The following SLC35E4 variants were observed in gnomAD, a reference collection of about 807,000 sequenced individuals.
SLC35E4 encodes the protein solute carrier family 35 member E4.
Under a neutral mutation model 19.3 loss-of-function variants are expected in SLC35E4, and 15 were observed. The observed-to-expected ratio is 0.78, with a 90% confidence interval of 0.52 to 1.20. SLC35E4 has a LOEUF of 1.20. Among genes scored for constraint, SLC35E4 ranks in the 50% most tolerant of loss-of-function variants. The pLI is 0.00. For missense variants in SLC35E4, 406 were observed against 472.3 expected (o/e 0.86, Z 1.30); for synonymous variants, 219 against 219.9 (o/e 1.00, Z 0.04).
rs371819164 is a variant in SLC35E4 at position 30,637,006 on chromosome 22, C to A, written c.556C>A (p.Pro186Thr). 116 of 1,602,496 alleles carry A rather than the reference C, an allele frequency of 7.2e-5. 1 individual carries two copies. Among genetic ancestry groups the A allele is most frequent in the Non-Finnish European group, 9.3e-5 (109 of 1,172,294 alleles). ...CSLAGEFRTP[P>T]TGCGFLLAAT... The stretch of plus-strand genomic sequence containing the variant: ...CCTGGCTGGAGAGTTCCGGACACCC[C>A]CTACCGGCTGTGGCTTCCTGCTCGC... The change falls in exon 1 of 2, where the codon CCT (proline) becomes ACT (threonine). Residue 186 changes from proline to threonine, a missense_variant. By Grantham distance (38) the Pro-to-Thr change is conservative (BLOSUM62 -1). Coordinates refer to ENST00000343605, the MANE Select transcript of SLC35E4 (RefSeq NM_001001479.4).
intron 2 of SLC35E4, among the ~76,000 whole-genome samples, chr22:30,660,647 T>C (rs2088439030): frequency 6.6e-6 from 1 of 152,214 alleles, no homozygotes; most frequent in Non-Finnish European, 1.5e-5. Context: ...CAAGTGGCTC[T>C]GTGAACTCTG....
In SLC35E4 at chr22:30,636,737, G is replaced by A. The variant is rs1186469821; in HGVS notation, c.287G>A (p.Arg96Gln). The change falls in exon 1 of 2, where the codon CGG becomes CAG. Residue 96 changes from arginine to glutamine, a missense_variant. Coordinates refer to ENST00000343605, the MANE Select transcript of SLC35E4 (RefSeq NM_001001479.4). ...HMLVAALACH[R>Q]GARRPMPGGT... ...CTGGTGGCAGCCCTGGCATGCCACCGGGGGGCACGGCGCCCCATGCCAGGC... is the reference window on the plus strand; with the variant it reads ...CTGGTGGCAGCCCTGGCATGCCACCAGGGGGCACGGCGCCCCATGCCAGGC... 1.2e-6 allele frequency: 2 copies of A among 1,611,752 alleles called. No homozygotes were observed. The highest frequency in any genetic ancestry group is 1.3e-5 in the African/African-American group (1 of 75,026).
chr22:30,636,821 G>T lies in SLC35E4; in HGVS notation c.371G>T (p.Gly124Val). ...SLTFGTSMAC[G>V]NVGLRAVPLD... Reference sequence around the variant, plus strand: ...ACCTTTGGCACGTCCATGGCCTGCGGCAACGTGGGCCTAAGGGCTGTGCCC... The same window carrying T: ...ACCTTTGGCACGTCCATGGCCTGCGTCAACGTGGGCCTAAGGGCTGTGCCC... Residue 124 changes from glycine (G) to valine (V), a missense_variant, in exon 1 of 2, where the codon GGC (glycine) becomes GTC (valine). Coordinates refer to ENST00000343605, the MANE Select transcript of SLC35E4 (RefSeq NM_001001479.4). The T allele has an allele frequency of 6.2e-7, 1 of 1,612,858 alleles. No homozygotes were observed. Among genetic ancestry groups the T allele is most frequent in the Non-Finnish European group, 8.5e-7 (1 of 1,179,592 alleles).
intron 2 of SLC35E4, among the ~76,000 whole-genome samples, chr22:30,653,378 T>G (rs1224858640): frequency 6.6e-6 from 1 of 151,214 alleles, no homozygotes; most frequent in Non-Finnish European, 1.5e-5. Context: ...CTCCTTCTTT[T>G]TTTTTTTTTT....
chr22:30,648,236 G>A (rs905651768), downstream of SLC35E4, among the ~76,000 whole-genome samples: 2 of 152,084 alleles, frequency 1.3e-5, no homozygotes, highest in African/African-American at 4.8e-5. Flanking sequence ...CACTCAGGAC[G>A]TGGCACCTGC....
At chr22:30,648,478 G>A (rs9609030), downstream of SLC35E4, among the ~76,000 whole-genome samples, 2,685 of 152,266 alleles carry the variant, frequency 0.018, 44 homozygotes, top group South Asian at 0.039. Context: ...CAGGCCGGGC[G>A]CGGTGGCTCA....
Position 30,637,196 on chromosome 22 carries a change from G to A in SLC35E4, c.619+127G>A, listed in dbSNP as rs191595461. On this transcript the variant is annotated intron_variant, in intron 1 of 1. Transcript: ENST00000343605. ...GGAAACTGAGGTTCATGGCTGTGGA[G>A]GAAGCAGAACTGAGGCTCAGAGAGG... 4.8e-4 allele frequency: 672 copies of A among 1,394,192 alleles called. 4 individuals are homozygous for A. The African/African-American group carries it at 8.8e-3, about 18-fold the overall frequency. The allele number at this position is 1,394,192 out of a possible 1,614,324, so 86.4% of individuals were successfully genotyped here.
chr22:30,652,155 G>C (rs2088233605), downstream of SLC35E4: 1 of 152,216 alleles, frequency 6.6e-6, no homozygotes, highest in South Asian at 2.1e-4. Flanking sequence ...CAGTGAGACA[G>C]GAGTGCTGAT....
chr22:30,638,965 CAAGAAA>C (rs952114311), intron 1 of SLC35E4, among the ~76,000 whole-genome samples: 1 of 150,652 alleles, frequency 6.6e-6, no homozygotes, highest in East Asian at 2.0e-4. Flanking sequence ...GACTCTGTCT[CAAGAAA>C]AAGAAAGAAG....
At chr22:30,661,810 A>G (rs1440101033) in intron 2 of SLC35E4, 1 of 152,152 alleles carries the variant, frequency 6.6e-6, no homozygotes, top group Non-Finnish European at 1.5e-5. Flanking sequence ...AGTCCCTTTG[A>G]CACGGCCCCC....
chr22:30,646,143 T>G (rs555482217), intron 1 of SLC35E4, among the ~76,000 whole-genome samples: 1 of 152,322 alleles, frequency 6.6e-6, no homozygotes, highest in East Asian at 1.9e-4. Context: ...GTCTTCATGC[T>G]TATTGATCAT....
chr22:30,658,780 C>T (rs1174010107), intron 2 of SLC35E4, among the ~76,000 whole-genome samples: 1 of 152,106 alleles, frequency 6.6e-6, no homozygotes, highest in Non-Finnish European at 1.5e-5. Context: ...GGCAGAACAC[C>T]CAGGTTTCAG....
downstream of SLC35E4, among the ~76,000 whole-genome samples, chr22:30,650,776 A>G (rs1363068490): frequency 2.0e-5 from 3 of 152,112 alleles, no homozygotes; most frequent in Non-Finnish European, 4.4e-5. Context: ...CTGCCAGAGC[A>G]CATTTGAGAG....
intron 2 of SLC35E4, among the ~76,000 whole-genome samples, chr22:30,657,152 G>T (rs752176147): frequency 1.3e-5 from 2 of 151,738 alleles, no homozygotes; most frequent in African/African-American, 2.4e-5. Context: ...ATAAATTTCT[G>T]GGCTGGGTGC....
At chr22:30,642,176 A>G (rs1156532387) in intron 1 of SLC35E4, among the ~76,000 whole-genome samples, 2 of 149,690 alleles carry the variant, frequency 1.3e-5, no homozygotes, top group Non-Finnish European at 3.0e-5. Flanking sequence ...TGCCCAGCTA[A>G]TTTTTGTATT....
intron 1 of SLC35E4, among the ~76,000 whole-genome samples, chr22:30,642,169 C>T (rs1037097103): frequency 6.6e-6 from 1 of 151,492 alleles, no homozygotes; most frequent in African/African-American, 2.4e-5. Context: ...GCCTCCATGC[C>T]CAGCTAATTT....
At chr22:30,668,064 G>T, downstream of SLC35E4, 1 of 162,084 alleles carries the variant, frequency 6.2e-6, no homozygotes. Flanking sequence ...TGCGCCCAAC[G>T]ACCATGACTC....
intron 1 of SLC35E4, among the ~76,000 whole-genome samples, chr22:30,644,690 G>A (rs1209496463): frequency 2.6e-5 from 4 of 152,118 alleles, no homozygotes; most frequent in African/African-American, 4.8e-5. Flanking sequence ...AACTGACATC[G>A]TACCACTACA....
downstream of SLC35E4, among the ~76,000 whole-genome samples, chr22:30,648,894 G>A (rs1352585825): frequency 1.3e-5 from 2 of 152,164 alleles, no homozygotes; most frequent in African/African-American, 4.8e-5. Context: ...TGCTCAGGAG[G>A]CTTGCAGGGG....
Sources: allele counts gnomAD v4.1 joint callset (sites outside exome capture counted in the v4.1 genomes callset), GRCh38; gene constraint gnomAD v4.1.1; transcripts MANE v1.5; gene names NCBI Gene and HGNC (gene_info 2026-07-23, HGNC 2026-07-21).